The following CNTN5 variants were observed in gnomAD, a reference collection of about 807,000 sequenced individuals.
CNTN5 encodes contactin 5.
In CNTN5, 77 loss-of-function variants were observed where a neutral mutation model predicts 129.1. The observed-to-expected ratio is 0.60, with a 90% CI of 0.50 to 0.72. CNTN5 has a LOEUF of 0.72. Ranked by LOEUF, CNTN5 falls within the 30% of genes least tolerant of loss-of-function variation. The pLI, the probability that CNTN5 is intolerant of heterozygous loss-of-function variation, is 0.00. For missense variants in CNTN5, 1,478 were observed against 1,328.8 expected (o/e 1.11, Z -1.75); for synonymous variants, 509 against 465.6 (o/e 1.09, Z -1.20).
At chr11:100,185,009 T>A (rs1030546912) in intron 13 of CNTN5, among the ~76,000 whole-genome samples, 12 of 101,756 alleles carry the variant, frequency 1.2e-4, no homozygotes, top group African/African-American at 3.8e-4. Context: ...ACCTTGGCGC[T>A]CTCTCTCCTG....
chr11:99,888,899 T>G (rs970112131), intron 6 of CNTN5, among the ~76,000 whole-genome samples: 2 of 152,226 alleles, frequency 1.3e-5, no homozygotes, highest in Non-Finnish European at 2.9e-5. Flanking sequence ...TTATGTCATT[T>G]ACTAAATGAG....
At chr11:100,117,541 C>CT (rs1565257280) in intron 13 of CNTN5, among the ~76,000 whole-genome samples, 1 of 151,908 alleles carries the variant, frequency 6.6e-6, no homozygotes, top group East Asian at 1.9e-4. Flanking sequence ...TACCACATAG[C>CT]ATATGCTCAA....
At chr11:100,005,419 CT>C in intron 9 of CNTN5, among the ~76,000 whole-genome samples, 1 of 152,158 alleles carries the variant, frequency 6.6e-6, no homozygotes, top group South Asian at 2.1e-4. Flanking sequence ...TAACTTAGAC[CT>C]ACCATTCTCC....
intron 1 of CNTN5, among the ~76,000 whole-genome samples, chr11:99,111,848 C>A (rs1857811078): frequency 6.6e-6 from 1 of 151,928 alleles, no homozygotes; most frequent in Non-Finnish European, 1.5e-5. Flanking sequence ...ACTTTTACTC[C>A]TGTTGCTGAC....
At chr11:100,209,681 A>T (rs1948986177) in intron 15 of CNTN5, among the ~76,000 whole-genome samples, 1 of 152,230 alleles carries the variant, frequency 6.6e-6, no homozygotes, top group Non-Finnish European at 1.5e-5. Flanking sequence ...TGTTTCTACC[A>T]CATGTTAGTT....
At chr11:100,063,390 A>G (rs751520676) in intron 10 of CNTN5, among the ~76,000 whole-genome samples, 10 of 152,034 alleles carry the variant, frequency 6.6e-5, no homozygotes, top group African/African-American at 2.2e-4. Flanking sequence ...GAAAAAAAAA[A>G]AAATCTAGAT....
intron 21 of CNTN5, among the ~76,000 whole-genome samples, chr11:100,332,353 A>G (rs1951922045): frequency 6.6e-6 from 1 of 151,468 alleles, no homozygotes. Context: ...AAAATTGCCA[A>G]CAAAAAAAAA....
chr11:99,459,680 G>A (rs12789394), intron 2 of CNTN5, among the ~76,000 whole-genome samples: 40,136 of 151,838 alleles, frequency 0.26, 5,658 homozygotes, highest in Non-Finnish European at 0.32. Flanking sequence ...TTTGCACAGA[G>A]CAACGAACAA....
intron 2 of CNTN5, among the ~76,000 whole-genome samples, chr11:99,419,064 C>T (rs1408638417): frequency 6.6e-6 from 1 of 152,138 alleles, no homozygotes; most frequent in Non-Finnish European, 1.5e-5. Context: ...TAATACAGTG[C>T]CTGCCACTAA....
At chr11:100,045,091 A>T (rs954670375) in intron 9 of CNTN5, among the ~76,000 whole-genome samples, 3 of 151,002 alleles carry the variant, frequency 2.0e-5, no homozygotes, top group Non-Finnish European at 4.4e-5. Context: ...ACTTACCCCT[A>T]ACCCAAAGCC....
At chr11:99,305,287 A>C (rs1291195937) in intron 1 of CNTN5, among the ~76,000 whole-genome samples, 1 of 152,216 alleles carries the variant, frequency 6.6e-6, no homozygotes, top group Non-Finnish European at 1.5e-5. Flanking sequence ...GTCATGGGAA[A>C]AATAGGTACT....
chr11:99,795,141 T>C (rs1256766485), intron 3 of CNTN5, among the ~76,000 whole-genome samples: 1 of 152,234 alleles, frequency 6.6e-6, no homozygotes, highest in Non-Finnish European at 1.5e-5. Flanking sequence ...TTTTTCTTTA[T>C]TTTTGTCTGA....
At chr11:99,425,582 C>T (rs1943084133) in intron 2 of CNTN5, among the ~76,000 whole-genome samples, 1 of 152,246 alleles carries the variant, frequency 6.6e-6, no homozygotes, top group Non-Finnish European at 1.5e-5. Flanking sequence ...TGGTTTGCAA[C>T]AGTGCACACG....
intron 8 of CNTN5, among the ~76,000 whole-genome samples, chr11:99,992,101 A>C (rs888598): frequency 2.0e-5 from 3 of 151,922 alleles, no homozygotes; most frequent in African/African-American, 7.3e-5. Flanking sequence ...GGCAAAAATG[A>C]CAATACCCAT....
chr11:99,760,301 C>T (rs1046856207), intron 3 of CNTN5, among the ~76,000 whole-genome samples: 2 of 152,066 alleles, frequency 1.3e-5, no homozygotes, highest in Non-Finnish European at 2.9e-5. Flanking sequence ...TACGCTAATT[C>T]TGTAGTCCTT....
chr11:99,952,277 C>T (rs1380553452), intron 7 of CNTN5, among the ~76,000 whole-genome samples: 2 of 152,016 alleles, frequency 1.3e-5, no homozygotes, highest in African/African-American at 4.8e-5. Context: ...TTTTTAAAAC[C>T]CTATTTTTCT....
intron 2 of CNTN5, among the ~76,000 whole-genome samples, chr11:99,477,589 C>G (rs112715117): frequency 0.044 from 6,637 of 151,268 alleles, 177 homozygotes; most frequent in South Asian, 0.082. Context: ...AAGAGAGAAA[C>G]TTAGAAAACT....
At chr11:99,593,578 A>G (rs1950041636) in intron 3 of CNTN5, among the ~76,000 whole-genome samples, 1 of 152,180 alleles carries the variant, frequency 6.6e-6, no homozygotes, top group African/African-American at 2.4e-5. Flanking sequence ...TTGTGTTTCT[A>G]TGGTTGCAGG....
chr11:100,118,944 A>G (rs1945925859), intron 13 of CNTN5, among the ~76,000 whole-genome samples: 2 of 151,788 alleles, frequency 1.3e-5, no homozygotes, highest in African/African-American at 4.8e-5. Context: ...GAAAACCTGT[A>G]TCTGGCATTT....
Sources: gnomAD v4.1 joint callset for allele counts (sites outside exome capture counted in the v4.1 genomes callset) on GRCh38, gnomAD v4.1.1 for gene constraint, MANE v1.5 for transcripts, NCBI Gene and HGNC (gene_info 2026-07-23, HGNC 2026-07-21) for gene names.